Variants in DOK6 observed in about 807,000 individuals in gnomAD.
The protein encoded by DOK6 is docking protein 6, also known as downstream of tyrosine kinase 6.
Under a neutral mutation model 44.0 loss-of-function variants are expected in DOK6, and 22 were observed. That is an observed-to-expected ratio of 0.50 (90% CI 0.36 to 0.71). The LOEUF is 0.71. Among genes scored for constraint, DOK6 ranks in the 30% least tolerant of loss-of-function variants. The probability of loss-of-function intolerance (pLI) is 0.00; values close to 1 mark genes in which losing one functional copy is unlikely to be tolerated. For missense variants in DOK6, 340 were observed against 416.4 expected (o/e 0.82, Z 1.60); for synonymous variants, 166 against 145.5 (o/e 1.14, Z -1.01).
chr18:69,633,546 A>C (rs1013969518), intron 3 of DOK6, among the ~76,000 whole-genome samples: 9 of 152,148 alleles, frequency 5.9e-5, no homozygotes, highest in African/African-American at 2.2e-4. Context: ...GTTTAAAATT[A>C]TTTACCATAT....
chr18:69,811,628 A>C (rs1016406510), intron 7 of DOK6, among the ~76,000 whole-genome samples: 1 of 148,044 alleles, frequency 6.8e-6, no homozygotes, highest in Non-Finnish European at 1.5e-5. Context: ...GTTAACTAAA[A>C]GTGAATTAAC....
At chr18:69,754,631 C>A (rs1018540399) in intron 6 of DOK6, among the ~76,000 whole-genome samples, 1 of 152,130 alleles carries the variant, frequency 6.6e-6, no homozygotes, top group Non-Finnish European at 1.5e-5. Flanking sequence ...AATATACCTG[C>A]AGGGTTGGTT....
intron 1 of DOK6, among the ~76,000 whole-genome samples, chr18:69,530,739 T>C (rs535338450): frequency 1.8e-4 from 27 of 152,316 alleles, no homozygotes; most frequent in African/African-American, 6.5e-4. Context: ...ATGTATATTC[T>C]GTTGATTTGG....
chr18:69,405,170 C>T (rs1568246713), intron 1 of DOK6, among the ~76,000 whole-genome samples: 1 of 152,154 alleles, frequency 6.6e-6, no homozygotes, highest in East Asian at 1.9e-4. Flanking sequence ...TTGATTAAAA[C>T]CTTAAGACAC....
At chr18:69,803,914 G>T (rs1359686913) in intron 7 of DOK6, among the ~76,000 whole-genome samples, 5 of 152,128 alleles carry the variant, frequency 3.3e-5, no homozygotes, top group Non-Finnish European at 5.9e-5. Context: ...GTGCAGAAAA[G>T]TTGCAGGAAG....
intron 1 of DOK6, among the ~76,000 whole-genome samples, chr18:69,487,139 T>C (rs1980598731): frequency 6.6e-6 from 1 of 151,670 alleles, no homozygotes; most frequent in African/African-American, 2.4e-5. Flanking sequence ...TCTGATTCAA[T>C]AATTTCTGTC....
At chr18:69,522,055 C>G (rs916901209) in intron 1 of DOK6, among the ~76,000 whole-genome samples, 1 of 151,896 alleles carries the variant, frequency 6.6e-6, no homozygotes, top group Admixed American at 6.6e-5. Context: ...ACTAAAAGTT[C>G]CAGTGTTTTT....
intron 4 of DOK6, among the ~76,000 whole-genome samples, chr18:69,681,246 A>C (rs1377310519): frequency 6.6e-6 from 1 of 152,246 alleles, no homozygotes; most frequent in African/African-American, 2.4e-5. Context: ...GTATTCTATC[A>C]GTATCAAGTC....
intron 2 of DOK6, among the ~76,000 whole-genome samples, chr18:69,597,041 GCTT>G (rs1259934468): frequency 1.3e-5 from 2 of 151,690 alleles, no homozygotes; most frequent in Non-Finnish European, 2.9e-5. Flanking sequence ...TCTCCTCTCA[GCTT>G]CTTTAAAAGA....
intron 1 of DOK6, among the ~76,000 whole-genome samples, chr18:69,489,348 C>T (rs539002463): frequency 6.6e-6 from 1 of 152,308 alleles, no homozygotes; most frequent in South Asian, 2.1e-4. Flanking sequence ...CTTCCAAGTA[C>T]TGAAGGTCCA....
At chr18:69,604,927 G>T (rs1029101294) in intron 3 of DOK6, among the ~76,000 whole-genome samples, 5 of 152,152 alleles carry the variant, frequency 3.3e-5, no homozygotes, top group Admixed American at 3.3e-4. Flanking sequence ...GGTACATTGT[G>T]CAGTGGTGAA....
At chr18:69,727,809 C>G (rs1054778867) in intron 5 of DOK6, among the ~76,000 whole-genome samples, 1 of 152,172 alleles carries the variant, frequency 6.6e-6, no homozygotes, top group Non-Finnish European at 1.5e-5. Context: ...TCTCAGGAAC[C>G]CCTTCTCACT....
At chr18:69,608,827 A>C (rs1599219353) in intron 3 of DOK6, among the ~76,000 whole-genome samples, 1 of 151,616 alleles carries the variant, frequency 6.6e-6, no homozygotes, top group Non-Finnish European at 1.5e-5. Context: ...GCAGGCGCCT[A>C]TAATCCCAGC....
chr18:69,565,237 T>G (rs1338347492), intron 2 of DOK6, among the ~76,000 whole-genome samples: 1 of 152,208 alleles, frequency 6.6e-6, no homozygotes, highest in Non-Finnish European at 1.5e-5. Flanking sequence ...TGTTGCTTAA[T>G]TGGTAGAATG....
chr18:69,501,888 C>G (rs1981059015), intron 1 of DOK6, among the ~76,000 whole-genome samples: 1 of 151,996 alleles, frequency 6.6e-6, no homozygotes, highest in African/African-American at 2.4e-5. Flanking sequence ...CAGAACATAG[C>G]TTTCATTGTT....
intron 7 of DOK6, among the ~76,000 whole-genome samples, chr18:69,821,930 T>TA (rs757515303): frequency 2.6e-5 from 4 of 152,158 alleles, no homozygotes; most frequent in Non-Finnish European, 4.4e-5. Context: ...TAATTGTGAT[T>TA]AATAGTTTAA....
chr18:69,504,020 A>G (rs1049939599), intron 1 of DOK6, among the ~76,000 whole-genome samples: 4 of 152,176 alleles, frequency 2.6e-5, no homozygotes, highest in South Asian at 2.1e-4. Flanking sequence ...ATCCTCAGCT[A>G]TATCTTCTTA....
In DOK6 at chr18:69,659,863, T is replaced by TATGTATGTTTTATAC. The variant is rs1985470794; in HGVS notation, c.290-17869_290-17868insGTATGTTTTATACAT. 5 of 24,542 alleles carry TATGTATGTTTTATAC rather than the reference T, an allele frequency of 2.0e-4. No homozygotes were observed. The South Asian group carries it at 5.3e-3, about 26-fold the overall frequency. The allele number at this position is 24,542 out of a possible 1,614,324, so 1.5% of individuals were successfully genotyped here. ...CATATATGTATGTTATATATATATA[T>TATGTATGTTTTATAC]ATAAAACATATATGTATGTTTTATA... On this transcript the variant is annotated intron_variant, in intron 3 of 7. Coordinates refer to ENST00000382713, the MANE Select transcript of DOK6 (RefSeq NM_152721.6).
intron 7 of DOK6, among the ~76,000 whole-genome samples, chr18:69,792,122 T>A (rs1416833348): frequency 6.6e-6 from 1 of 152,166 alleles, no homozygotes. Context: ...TGTCTGTTTT[T>A]ATGCCATTAC....
Sources: allele counts gnomAD v4.1 joint callset (sites outside exome capture counted in the v4.1 genomes callset), GRCh38; gene constraint gnomAD v4.1.1; transcripts MANE v1.5; gene names NCBI Gene and HGNC (gene_info 2026-07-23, HGNC 2026-07-21).